Variants in SLC39A11 observed in about 807,000 individuals in gnomAD.
The protein encoded by SLC39A11 is solute carrier family 39 member 11, also known as zinc transporter ZIP11.
A neutral mutation model predicts 36.1 loss-of-function variants in SLC39A11; 33 were observed. That is an observed-to-expected ratio of 0.91 (90% CI 0.69 to 1.22). The LOEUF is 1.22. Among genes scored for constraint, SLC39A11 ranks in the 50% most tolerant of loss-of-function variants. The pLI is 0.00. For synonymous variants in SLC39A11, 166 were observed against 170.3 expected, an observed-to-expected ratio of 0.97 and a Z score of 0.20; for missense variants, 432 against 430.3, an observed-to-expected ratio of 1.00 and a Z score of -0.03.
At chr17:73,079,207 C>G (rs1172887908) in intron 3 of SLC39A11, among the ~76,000 whole-genome samples, 1 of 152,154 alleles carries the variant, frequency 6.6e-6, no homozygotes, top group Non-Finnish European at 1.5e-5. Flanking sequence ...AAGCAATTCT[C>G]CTGCCTCGGC....
At chr17:73,040,787 C>A (rs2059079974) in intron 3 of SLC39A11, among the ~76,000 whole-genome samples, 1 of 151,988 alleles carries the variant, frequency 6.6e-6, no homozygotes, top group Admixed American at 6.6e-5. Flanking sequence ...GAGTTTGAGA[C>A]CAGCCTGGTC....
intron 7 of SLC39A11, among the ~76,000 whole-genome samples, chr17:72,676,268 T>G (rs1181505329): frequency 1.3e-5 from 2 of 152,254 alleles, no homozygotes; most frequent in South Asian, 2.1e-4. Flanking sequence ...ACCTAGACAC[T>G]GCGGGATGTC....
At chr17:72,906,584 TGA>T (rs139006285) in intron 5 of SLC39A11, among the ~76,000 whole-genome samples, 7,286 of 152,270 alleles carry the variant, frequency 0.048, 202 homozygotes, top group Non-Finnish European at 0.063. Context: ...TGCCTTGCTG[TGA>T]GAGATATACA....
At chr17:73,066,522 A>G (rs2060000925) in intron 3 of SLC39A11, among the ~76,000 whole-genome samples, 1 of 152,224 alleles carries the variant, frequency 6.6e-6, no homozygotes, top group African/African-American at 2.4e-5. Context: ...TTTTCCCTCC[A>G]TTATTCATCC....
chr17:72,748,334 T>A (rs920753412), intron 6 of SLC39A11, among the ~76,000 whole-genome samples: 5 of 123,798 alleles, frequency 4.0e-5, no homozygotes, highest in Non-Finnish European at 9.1e-5. Context: ...AAAAAAAAAA[T>A]TCTTATCAAT....
chr17:72,995,144 C>T (rs1296286011), intron 4 of SLC39A11, among the ~76,000 whole-genome samples: 1 of 152,234 alleles, frequency 6.6e-6, no homozygotes, highest in Non-Finnish European at 1.5e-5. Flanking sequence ...TGACTGGCCC[C>T]AGTTCTTTAG....
intron 3 of SLC39A11, among the ~76,000 whole-genome samples, chr17:73,054,297 G>A (rs1202660599): frequency 6.6e-6 from 1 of 151,816 alleles, no homozygotes; most frequent in Non-Finnish European, 1.5e-5. Context: ...GGGAGGCGGA[G>A]GTTGCAGTGA....
Position 72,887,429 on chromosome 17 carries a change from G to A in SLC39A11, c.431-37625C>T, listed in dbSNP as rs151098381. On this transcript the variant is annotated intron_variant, in intron 5 of 9. Coordinates refer to ENST00000255559, the MANE Select transcript of SLC39A11 (RefSeq NM_139177.4). ...GAGGAGCACTTCTCCCGAGGGCTCTGCCTTCTTCCCCTTTCATCTGCATCA... is the reference window on the plus strand; with the variant it reads ...GAGGAGCACTTCTCCCGAGGGCTCTACCTTCTTCCCCTTTCATCTGCATCA... 2.0e-5 allele frequency among the ~76,000 whole-genome samples: 3 copies of A among 152,334 alleles called. No individual in the cohort carries two copies. The East Asian group carries it at 5.8e-4, about 29-fold the overall frequency.
At chr17:72,699,377 C>T (rs1567960164) in intron 7 of SLC39A11, among the ~76,000 whole-genome samples, 1 of 152,194 alleles carries the variant, frequency 6.6e-6, no homozygotes. Flanking sequence ...GACCTGTGGG[C>T]CATGGGTTGG....
intron 5 of SLC39A11, among the ~76,000 whole-genome samples, chr17:72,896,192 CTTTTTTTTTTTTTT>C (rs771180987): frequency 9.4e-5 from 7 of 74,554 alleles, no homozygotes; most frequent in African/African-American, 3.7e-4. Context: ...CACATTAATC[CTTTTTTTTTTTTTT>C]TTTTTTTTTT....
chr17:72,912,007 A>C (rs2083033782), intron 5 of SLC39A11, among the ~76,000 whole-genome samples: 1 of 152,080 alleles, frequency 6.6e-6, no homozygotes, highest in Non-Finnish European at 1.5e-5. Context: ...AGGCGTTCTG[A>C]GCAACGTGAT....
chr17:72,800,932 G>A (rs2077063689), intron 6 of SLC39A11, among the ~76,000 whole-genome samples: 1 of 152,170 alleles, frequency 6.6e-6, no homozygotes, highest in Non-Finnish European at 1.5e-5. Context: ...ATTCAAATAT[G>A]CTTAAAACTA....
intron 6 of SLC39A11, among the ~76,000 whole-genome samples, chr17:72,831,071 C>T (rs1440934566): frequency 6.6e-6 from 1 of 152,098 alleles, no homozygotes; most frequent in Non-Finnish European, 1.5e-5. Context: ...GGGAAAATGC[C>T]TGTATTGCTA....
At chr17:72,997,541 C>T (rs2089592586) in intron 4 of SLC39A11, among the ~76,000 whole-genome samples, 1 of 152,200 alleles carries the variant, frequency 6.6e-6, no homozygotes, top group Non-Finnish European at 1.5e-5. Context: ...GCGTGAGCCA[C>T]CACGCCCAGC....
At position 72,808,515 on chromosome 17, in the gene SLC39A11, G is replaced by A. The variant is rs115428340; in HGVS notation, c.601+41119C>T. Among the ~76,000 whole-genome samples the A allele has an allele frequency of 2.3e-3, 357 of 152,256 alleles. 1 individual carries two copies. Among genetic ancestry groups the A allele is most frequent in the African/African-American group, 7.9e-3 (329 of 41,542 alleles). On this transcript the variant is annotated intron_variant, in intron 6 of 9. Coordinates refer to ENST00000255559, the MANE Select transcript of SLC39A11 (RefSeq NM_139177.4). ...GTGCAGACTACAAGATTAGGATTAC[G>A]GGAGGGGCCTGAATTCTGCTAAAAT...
chr17:72,819,138 T>C (rs1334192316), intron 6 of SLC39A11, among the ~76,000 whole-genome samples: 1 of 140,746 alleles, frequency 7.1e-6, no homozygotes, highest in Non-Finnish European at 1.7e-5. Context: ...AATTGTGTGG[T>C]TTGCAGATAT....
At chr17:73,048,609 C>G (rs1215221756) in intron 3 of SLC39A11, among the ~76,000 whole-genome samples, 1 of 152,100 alleles carries the variant, frequency 6.6e-6, no homozygotes, top group Non-Finnish European at 1.5e-5. Flanking sequence ...TGAGAAATTG[C>G]CAAACTGCTT....
At chr17:72,692,539 T>C (rs148401501) in intron 7 of SLC39A11, among the ~76,000 whole-genome samples, 2,087 of 152,184 alleles carry the variant, frequency 0.014, 53 homozygotes, top group African/African-American at 0.048. Context: ...AAAGTGGAAA[T>C]CCCTGATAAA....
chr17:72,800,833 A>G (rs1321955041), intron 6 of SLC39A11, among the ~76,000 whole-genome samples: 1 of 152,234 alleles, frequency 6.6e-6, no homozygotes, highest in Non-Finnish European at 1.5e-5. Flanking sequence ...AGTCAGTTCT[A>G]TTAATGAAAT....
Sources: gnomAD v4.1 joint callset for allele counts (sites outside exome capture counted in the v4.1 genomes callset) on GRCh38, gnomAD v4.1.1 for gene constraint, MANE v1.5 for transcripts, NCBI Gene and HGNC (gene_info 2026-07-23, HGNC 2026-07-21) for gene names.